WFDC9: variants seen among roughly 807,000 people sequenced by gnomAD.
WFDC9 encodes protein WFDC9.
In WFDC9, 9 loss-of-function variants were observed where a neutral mutation model predicts 9.5. That is an observed-to-expected ratio of 0.95 (90% CI 0.57 to 1.65). WFDC9 has a LOEUF of 1.65. Among genes scored for constraint, WFDC9 ranks in the 40% most tolerant of loss-of-function variants. The probability of loss-of-function intolerance (pLI) is 0.00; values close to 1 mark genes in which losing one functional copy is unlikely to be tolerated. For synonymous variants in WFDC9, 33 were observed against 32.3 expected (o/e 1.02, Z -0.07); for missense variants, 87 against 106.7 (o/e 0.82, Z 0.81).
chr20:45,612,910 A>C (rs891996765), intron 2 of WFDC9, among the ~76,000 whole-genome samples: 1 of 152,194 alleles, frequency 6.6e-6, no homozygotes, highest in Admixed American at 6.5e-5. Flanking sequence ...AGGAAGGAAA[A>C]TAAGAGTCAA....
intron 1 of WFDC9, among the ~76,000 whole-genome samples, chr20:45,626,622 A>G (rs2145602707): frequency 6.6e-6 from 1 of 152,198 alleles, no homozygotes; most frequent in South Asian, 2.1e-4. Context: ...ACTGACTTGT[A>G]TGTTTATTTT....
intron 1 of WFDC9, among the ~76,000 whole-genome samples, chr20:45,622,548 A>G (rs1439315961): frequency 6.6e-6 from 1 of 152,194 alleles, no homozygotes; most frequent in East Asian, 1.9e-4. Flanking sequence ...AAACAATCTT[A>G]AAGTAGCAGA....
At chr20:45,631,056 A>C in intron 1 of WFDC9, 147 bp downstream of exon 1, 1 of 1,559,550 alleles carries the variant, frequency 6.4e-7, no homozygotes, top group East Asian at 2.3e-5. Flanking sequence ...CTGCTTCCCA[A>C]CTCCTCTATC....
At chr20:45,622,118 T>TTA (rs764322284) in intron 1 of WFDC9, among the ~76,000 whole-genome samples, 2,091 of 152,318 alleles carry the variant, frequency 0.014, 88 homozygotes, top group Admixed American at 0.096. Context: ...AACAATTTTA[T>TTA]TGTGCCCTCA....
intron 1 of WFDC9, among the ~76,000 whole-genome samples, chr20:45,620,947 CT>C (rs1447400180): frequency 6.6e-6 from 1 of 152,106 alleles, no homozygotes; most frequent in Non-Finnish European, 1.5e-5. Context: ...TAATAAATGT[CT>C]CTAACCCATT....
intron 1 of WFDC9, 167 bp downstream of exon 1, chr20:45,631,036 G>A (rs560470111): frequency 1.3e-6 from 2 of 1,572,950 alleles, no homozygotes; most frequent in South Asian, 1.2e-5. Flanking sequence ...AGTGGGCTGG[G>A]ATGTGCATCC....
At chr20:45,621,662 A>G (rs73131059) in intron 1 of WFDC9, among the ~76,000 whole-genome samples, 5,394 of 152,320 alleles carry the variant, frequency 0.035, 103 homozygotes, top group Middle Eastern at 0.088. Context: ...CCAGCCCCCA[A>G]TAGAAACCTT....
At chr20:45,610,316 C>A in intron 2 of WFDC9, 77 bp from the exon 3 acceptor site, 3 of 704,622 alleles carry the variant, frequency 4.3e-6, no homozygotes, top group Non-Finnish European at 7.1e-6. Flanking sequence ...TCATGTTATT[C>A]TTTCCCTTTC....
intron 3 of WFDC9, among the ~76,000 whole-genome samples, chr20:45,609,688 A>G (rs1981818209): frequency 6.6e-6 from 1 of 152,058 alleles, no homozygotes; most frequent in Non-Finnish European, 1.5e-5. Flanking sequence ...TTCATGTTCT[A>G]AAAGACTCTT....
chr20:45,608,636 C>T (rs1206473297), intron 4 of WFDC9, 27 bp downstream of exon 4: 1 of 1,602,178 alleles, frequency 6.2e-7, no homozygotes, highest in Non-Finnish European at 8.5e-7. Flanking sequence ...TGCCCAGGCC[C>T]TAGCCTTCCC....
chr20:45,612,263 A>C (rs149837132), intron 2 of WFDC9, among the ~76,000 whole-genome samples: 2,109 of 151,792 alleles, frequency 0.014, 89 homozygotes, highest in Admixed American at 0.098. Flanking sequence ...TAATCTGTTT[A>C]GATTCTATGC....
intron 4 of WFDC9, 73 bp from the exon 5 acceptor site, chr20:45,608,213 G>T: frequency 6.7e-7 from 1 of 1,490,660 alleles, no homozygotes; most frequent in Non-Finnish European, 9.2e-7. Flanking sequence ...AGCATCCTAG[G>T]CCCCAGATGA....
In WFDC9 at chr20:45,608,001, G is replaced by C; in HGVS notation, c.*109C>G. ...GGGTAAAGAGGTCAAGGAAATAGCA[G>C]AAAGGTTACCAGCTAGAGCCAGTGG... On this transcript the variant is annotated 3_prime_UTR_variant, in exon 5 of 5. Transcript: ENST00000326000. The C allele has an allele frequency of 8.0e-7, 1 of 1,257,322 alleles. No homozygotes were observed. The highest frequency in any genetic ancestry group is 1.9e-4 in the Middle Eastern group (1 of 5,346). The allele number at this position is 1,257,322 out of a possible 1,614,324, so 77.9% of individuals were successfully genotyped here. A position where few individuals can be genotyped will look rare whatever the true frequency, so the allele number is the denominator to read the frequency against.
intron 1 of WFDC9, among the ~76,000 whole-genome samples, chr20:45,619,538 AAAAAG>A (rs1186063389): frequency 2.0e-5 from 3 of 152,192 alleles, no homozygotes; most frequent in Admixed American, 6.5e-5. Context: ...CTTTAAAGCT[AAAAAG>A]AAAAGACATC....
intron 2 of WFDC9, among the ~76,000 whole-genome samples, chr20:45,613,830 G>A (rs530897044): frequency 1.3e-5 from 2 of 152,268 alleles, no homozygotes; most frequent in South Asian, 4.2e-4. Context: ...ACCAGCACAT[G>A]GCAAGACAGG....
intron 1 of WFDC9, among the ~76,000 whole-genome samples, chr20:45,630,463 A>G (rs980128407): frequency 1.3e-5 from 2 of 152,118 alleles, no homozygotes; most frequent in Non-Finnish European, 2.9e-5. Flanking sequence ...GACAAGAGGC[A>G]TGTTGATCCT....
At chr20:45,614,565 A>C (rs1981933121) in intron 2 of WFDC9, 63 bp downstream of exon 2, 1 of 152,218 alleles carries the variant, frequency 6.6e-6, no homozygotes, top group South Asian at 2.1e-4. Context: ...CATCTGGGCT[A>C]GGAATTAATC....
intron 1 of WFDC9, among the ~76,000 whole-genome samples, chr20:45,629,274 C>T (rs978148648): frequency 2.6e-5 from 4 of 151,966 alleles, no homozygotes; most frequent in Admixed American, 6.6e-5. Flanking sequence ...GTAATTAGTA[C>T]AATACAAATA....
chr20:45,621,280 T>A (rs4812938), intron 1 of WFDC9, among the ~76,000 whole-genome samples: 26,586 of 152,182 alleles, frequency 0.17, 2,499 homozygotes, highest in East Asian at 0.32. Context: ...ACCTTGATAT[T>A]TTCTAGACAG....
Sources: allele counts gnomAD v4.1 joint callset (sites outside exome capture counted in the v4.1 genomes callset), GRCh38; gene constraint gnomAD v4.1.1; transcripts MANE v1.5; gene names NCBI Gene and HGNC (gene_info 2026-07-23, HGNC 2026-07-21).